The following GLRA3 variants were observed in gnomAD, a reference collection of about 807,000 sequenced individuals.
The protein encoded by GLRA3 is glycine receptor subunit alpha-3.
Under a neutral mutation model 60.4 loss-of-function variants are expected in GLRA3, and 44 were observed. The ratio of observed to expected loss-of-function variants is 0.73; its 90% CI spans 0.57 to 0.94. The LOEUF (loss-of-function observed/expected upper bound fraction) is 0.94. Among genes scored for constraint, GLRA3 ranks in the 40% least tolerant of loss-of-function variants. The probability of loss-of-function intolerance (pLI) is 0.00; values close to 1 mark genes in which losing one functional copy is unlikely to be tolerated. For synonymous variants in GLRA3, 223 were observed against 192.9 expected, an observed-to-expected ratio of 1.16 and a Z score of -1.29; for missense variants, 508 against 564.6, an observed-to-expected ratio of 0.90 and a Z score of 1.02.
intron 9 of GLRA3, among the ~76,000 whole-genome samples, chr4:174,644,412 T>A (rs1732735965): frequency 4.2e-5 from 1 of 23,784 alleles, no homozygotes; most frequent in African/African-American, 9.1e-5. Context: ...TAGATTTTTT[T>A]TTTTGCATTT....
intron 7 of GLRA3, among the ~76,000 whole-genome samples, chr4:174,661,596 G>A (rs1733443473): frequency 6.6e-6 from 1 of 152,096 alleles, no homozygotes; most frequent in Non-Finnish European, 1.5e-5. Flanking sequence ...GCCACCATTG[G>A]CCCCATTTGG....
chr4:174,732,884 C>T (rs1224930354), intron 3 of GLRA3, among the ~76,000 whole-genome samples: 1 of 151,812 alleles, frequency 6.6e-6, no homozygotes, highest in Non-Finnish European at 1.5e-5. Flanking sequence ...TAACTACCAA[C>T]TTTATGATAG....
chr4:174,706,874 A>C (rs1295052128), intron 5 of GLRA3, among the ~76,000 whole-genome samples: 1 of 152,204 alleles, frequency 6.6e-6, no homozygotes, highest in Non-Finnish European at 1.5e-5. Flanking sequence ...CACCAAATCC[A>C]TACAATTCCA....
At chr4:174,824,789 ACT>A (rs1309680823) in intron 1 of GLRA3, among the ~76,000 whole-genome samples, 4 of 152,052 alleles carry the variant, frequency 2.6e-5, no homozygotes, top group African/African-American at 9.7e-5. Context: ...TGCTATCTGT[ACT>A]TTTTTCTTTT....
intron 4 of GLRA3, among the ~76,000 whole-genome samples, chr4:174,722,050 A>G (rs909407374): frequency 2.6e-5 from 4 of 151,998 alleles, no homozygotes; most frequent in Non-Finnish European, 2.9e-5. Flanking sequence ...CTGTATATCT[A>G]TCTATATCTA....
At chr4:174,685,029 C>T in intron 5 of GLRA3, among the ~76,000 whole-genome samples, 1 of 150,996 alleles carries the variant, frequency 6.6e-6, no homozygotes, top group East Asian at 1.9e-4. Flanking sequence ...CAAAACAAAG[C>T]AAAAAAAACA....
chr4:174,787,989 G>T (rs184505337), intron 2 of GLRA3, among the ~76,000 whole-genome samples: 32 of 152,026 alleles, frequency 2.1e-4, no homozygotes, highest in African/African-American at 5.3e-4. Flanking sequence ...AAGGAAAAAT[G>T]GTAGTTATAG....
chr4:174,737,519 G>A (rs544636193), intron 3 of GLRA3, among the ~76,000 whole-genome samples: 1 of 92,040 alleles, frequency 1.1e-5, no homozygotes, highest in East Asian at 2.5e-4. Flanking sequence ...GTGGTTTTTT[G>A]TTGTTGTTGT....
At chr4:174,715,132 A>G (rs138755632) in intron 5 of GLRA3, among the ~76,000 whole-genome samples, 112 of 152,364 alleles carry the variant, frequency 7.4e-4, no homozygotes, top group Middle Eastern at 3.4e-3. Context: ...TGTTGTCAGT[A>G]TAAGAAAAAA....
chr4:174,773,570 AG>A (rs1282378005), intron 2 of GLRA3, among the ~76,000 whole-genome samples: 1 of 152,244 alleles, frequency 6.6e-6, no homozygotes, highest in Non-Finnish European at 1.5e-5. Context: ...TGCAACTAAA[AG>A]ATTAAATTTC....
chr4:174,822,603 A>C (rs886955092), intron 1 of GLRA3, among the ~76,000 whole-genome samples: 17 of 152,324 alleles, frequency 1.1e-4, no homozygotes, highest in African/African-American at 4.1e-4. Context: ...TTTAGGTAGG[A>C]TACTGGATGG....
At chr4:174,727,975 T>A (rs1185985311) in intron 4 of GLRA3, among the ~76,000 whole-genome samples, 1 of 152,082 alleles carries the variant, frequency 6.6e-6, no homozygotes, top group Non-Finnish European at 1.5e-5. Context: ...TTGCAGCATG[T>A]TAGAAAGGAT....
intron 9 of GLRA3, among the ~76,000 whole-genome samples, chr4:174,654,474 A>G (rs72706136): frequency 1.8e-3 from 278 of 152,278 alleles, no homozygotes; most frequent in South Asian, 3.7e-3. Flanking sequence ...GATTTCTTAA[A>G]TCTAGAACTA....
chr4:174,712,254 C>T (rs184348122), intron 5 of GLRA3, among the ~76,000 whole-genome samples: 6 of 152,208 alleles, frequency 3.9e-5, no homozygotes, highest in Admixed American at 2.6e-4. Context: ...TTGTTCTTCT[C>T]TTATTCACTT....
intron 3 of GLRA3, among the ~76,000 whole-genome samples, chr4:174,756,191 T>C (rs1347717478): frequency 2.6e-5 from 4 of 152,118 alleles, no homozygotes; most frequent in Non-Finnish European, 5.9e-5. Flanking sequence ...AAATAACAGT[T>C]CATCAATTTT....
At chr4:174,673,314 C>T (rs773862551) in intron 7 of GLRA3, among the ~76,000 whole-genome samples, 32 of 152,110 alleles carry the variant, frequency 2.1e-4, no homozygotes, top group Non-Finnish European at 3.7e-4. Context: ...CATCCCCATA[C>T]TTAATTCCTT....
intron 2 of GLRA3, among the ~76,000 whole-genome samples, chr4:174,774,406 GTGTT>G (rs1176089766): frequency 6.6e-6 from 1 of 151,878 alleles, no homozygotes; most frequent in Non-Finnish European, 1.5e-5. Context: ...GCATATGTGT[GTGTT>G]TATTTATGCT....
At position 174,640,234 on chromosome 4, in the gene GLRA3, T is replaced by A. The variant is rs2110825284; in HGVS notation, c.*3552A>T. On this transcript the variant is annotated 3_prime_UTR_variant, in exon 10 of 10. Coordinates refer to ENST00000274093, the MANE Select transcript of GLRA3 (RefSeq NM_006529.4). ...ATTAGATACATTTTTGTTCTCAGAG[T>A]TTTGTTCTTAGAGTGTTCTAAATTT... The A allele has an allele frequency of 6.6e-6, 1 of 152,176 alleles. No individual in the cohort carries two copies. Among genetic ancestry groups the A allele is most frequent in the East Asian group, 1.9e-4 (1 of 5,176 alleles). 9.4% of individuals were successfully genotyped at this position (152,176 alleles called of 1,614,324 possible). A position where few individuals can be genotyped will look rare whatever the true frequency, so the allele number is the denominator to read the frequency against.
intron 3 of GLRA3, among the ~76,000 whole-genome samples, chr4:174,735,170 T>TA (rs74319122): frequency 3.3e-5 from 5 of 149,536 alleles, no homozygotes; most frequent in Admixed American, 6.7e-5. Context: ...TTTTCAGCCT[T>TA]AAAAAAAAAA....
Sources: gnomAD v4.1 joint callset for allele counts (sites outside exome capture counted in the v4.1 genomes callset) on GRCh38, gnomAD v4.1.1 for gene constraint, MANE v1.5 for transcripts, NCBI Gene and HGNC (gene_info 2026-07-23, HGNC 2026-07-21) for gene names.